Variants in IL1RAP observed in about 807,000 individuals in gnomAD.
The protein encoded by IL1RAP is interleukin-1 receptor accessory protein.
Under a neutral mutation model 60.7 loss-of-function variants are expected in IL1RAP, and 35 were observed. That is an observed-to-expected ratio of 0.58 (90% CI 0.44 to 0.76). IL1RAP has a LOEUF of 0.76. IL1RAP is among the 30% of genes least tolerant of loss of function. The pLI, the probability that IL1RAP is intolerant of heterozygous loss-of-function variation, is 0.00. For synonymous variants in IL1RAP, 268 were observed against 250.9 expected, an observed-to-expected ratio of 1.07 and a Z score of -0.64; for missense variants, 572 against 693.9, an observed-to-expected ratio of 0.82 and a Z score of 1.97.
At chr3:190,656,523 G>C in exon 12 of IL1RAP, 1 of 1,537,268 alleles carries the variant, frequency 6.5e-7, no homozygotes, top group Non-Finnish European at 8.7e-7. Context: ...GCACCAGATT[G>C]GAACCCCCTG....
intron 3 of IL1RAP, among the ~76,000 whole-genome samples, chr3:190,570,443 A>G (rs1018800218): frequency 7.9e-5 from 12 of 152,212 alleles, no homozygotes; most frequent in African/African-American, 2.2e-4. Flanking sequence ...TGGTATAGCT[A>G]TACATTACTG....
At chr3:190,528,311 G>A (rs1307998054) in intron 1 of IL1RAP, among the ~76,000 whole-genome samples, 1 of 152,144 alleles carries the variant, frequency 6.6e-6, no homozygotes, top group African/African-American at 2.4e-5. Flanking sequence ...ACAATTAACA[G>A]TTTCTACTTT....
chr3:190,613,078 A>C (rs1161147755), intron 5 of IL1RAP, among the ~76,000 whole-genome samples: 1 of 151,204 alleles, frequency 6.6e-6, no homozygotes, highest in Non-Finnish European at 1.5e-5. Context: ...ATCAAAATGT[A>C]AACTTCTAAG....
intron 3 of IL1RAP, among the ~76,000 whole-genome samples, 163 bp from the exon 4 acceptor site, chr3:190,603,965 C>T (rs995150657): frequency 6.6e-6 from 1 of 152,086 alleles, no homozygotes; most frequent in Non-Finnish European, 1.5e-5. Flanking sequence ...TTTCTTCACA[C>T]CAAAGGTGCC....
chr3:190,655,070 T>C (rs1333065042), downstream of IL1RAP, among the ~76,000 whole-genome samples: 2 of 152,054 alleles, frequency 1.3e-5, no homozygotes, highest in African/African-American at 4.8e-5. Context: ...AAAAAGAATT[T>C]AATTGATAAC....
At chr3:190,577,088 G>A (rs955067969) in intron 3 of IL1RAP, among the ~76,000 whole-genome samples, 12 of 128,828 alleles carry the variant, frequency 9.3e-5, no homozygotes, top group African/African-American at 1.8e-4. Context: ...GCGACAGAGC[G>A]AGACTCCGTC....
Position 190,553,986 on chromosome 3 carries a change from G to T in IL1RAP, c.-88-2144G>T, listed in dbSNP as rs1451207729. Reference sequence around the variant, plus strand: ...TGAGGCAGGAGAATGGCGTGAACCCGGGAGGCGGAGCTTGCAGTGAGCCGA... The same window carrying T: ...TGAGGCAGGAGAATGGCGTGAACCCTGGAGGCGGAGCTTGCAGTGAGCCGA... On this transcript the variant is annotated intron_variant, in intron 1 of 11. Coordinates refer to ENST00000447382, the MANE Select transcript of IL1RAP (RefSeq NM_002182.4). 2.0e-5 allele frequency among the ~76,000 whole-genome samples: 3 copies of T among 146,728 alleles called. No homozygotes were observed. The South Asian group carries it at 6.5e-4, about 32-fold the overall frequency.
At chr3:190,523,448 T>C (rs1722253285) in intron 1 of IL1RAP, among the ~76,000 whole-genome samples, 1 of 152,130 alleles carries the variant, frequency 6.6e-6, no homozygotes. Context: ...GGATTTGTTA[T>C]ACAGATTATT....
At position 190,649,557 on chromosome 3, in the gene IL1RAP, G is replaced by T. The variant is rs912532541; in HGVS notation, c.*852G>T. On this transcript the variant is annotated 3_prime_UTR_variant, in exon 12 of 12. Coordinates refer to ENST00000447382, the MANE Select transcript of IL1RAP (RefSeq NM_002182.4). ...GAGGTAACAGAAAGACTCTTTTAGG[G>T]CATTTTTCTGACTCATGAAAAGAGC... The T allele has an allele frequency of 2.6e-5, 26 of 985,626 alleles. No individual in the cohort carries two copies. In the African/African-American group the frequency reaches 4.2e-4, roughly 16 times the overall value. The allele number at this position is 985,626 out of a possible 1,614,324, so 61.1% of individuals were successfully genotyped here.
At position 190,650,820 on chromosome 3, in the gene IL1RAP, C is replaced by A. The variant is rs1310968544; in HGVS notation, c.*2115C>A. The A allele has an allele frequency of 1.0e-6, 1 of 984,836 alleles. No homozygotes were observed. The highest frequency in any genetic ancestry group is 1.7e-5 in the African/African-American group (1 of 57,208). The allele number at this position is 984,836 out of a possible 1,614,324, so 61.0% of individuals were successfully genotyped here. On this transcript the variant is annotated 3_prime_UTR_variant, in exon 12 of 12. Transcript: ENST00000447382. ...CTTATTCCAGATAAGCTTTGAATAT[C>A]AATTCTTACATAAACTTTAGGCAAA...
intron 3 of IL1RAP, among the ~76,000 whole-genome samples, chr3:190,598,476 C>T (rs1321127460): frequency 1.3e-5 from 2 of 152,094 alleles, no homozygotes; most frequent in Non-Finnish European, 2.9e-5. Flanking sequence ...GGTTTGCCAA[C>T]TGTATTACCT....
chr3:190,613,294 TG>T lies in IL1RAP; in HGVS notation c.537+4116del, dbSNP rs199766991. On this transcript the variant is annotated intron_variant, in intron 5 of 11. Transcript: ENST00000447382. ...AGAAGCAGGTTTAGGGAGTAAGTAA[TG>T]GGTTAGGTAATGCCATATTAAGTTA... Among the ~76,000 whole-genome samples the T allele has an allele frequency of 1.1e-3, 162 of 152,228 alleles. 1 individual carries two copies. The East Asian group carries it at 0.015, about 14-fold the overall frequency.
intron 2 of IL1RAP, among the ~76,000 whole-genome samples, chr3:190,558,504 T>C (rs1226264635): frequency 6.6e-6 from 1 of 152,190 alleles, no homozygotes; most frequent in African/African-American, 2.4e-5. Flanking sequence ...TGGTATCTCC[T>C]TGTGGTTTTA....
In IL1RAP at chr3:190,522,286, T is replaced by TTTGC. The variant is rs752407331; in HGVS notation, c.-89+8070_-89+8073dup. ...ATGGTAATAAACATGCCTGCCTTCC[T>TTTGC]TTGCTTCCTTCCTTCCTTCCTTCCT... On this transcript the variant is annotated intron_variant, in intron 1 of 11. Coordinates refer to ENST00000447382, the MANE Select transcript of IL1RAP (RefSeq NM_002182.4). 4.7e-3 allele frequency among the ~76,000 whole-genome samples: 614 copies of TTTGC among 131,064 alleles called. 7 individuals carry two copies. The highest frequency in any genetic ancestry group is 7.3e-3 in the Non-Finnish European group (434 of 59,574). 86.0% of individuals were successfully genotyped at this position (131,064 alleles called of 152,430 possible).
Position 190,609,218 on chromosome 3 carries a change from G to A in IL1RAP, c.537+37G>A, listed in dbSNP as rs1730617115. The A allele has an allele frequency of 4.3e-6, 6 of 1,408,198 alleles. No homozygotes were observed. In the East Asian group the frequency reaches 9.4e-5, roughly 22 times the overall value. The allele number at this position is 1,408,198 out of a possible 1,614,324, so 87.2% of individuals were successfully genotyped here. Reference sequence around the variant, plus strand: ...TAGACTACATTTTATTCTCTCTAATGGCTTATAAAATGATAATGCTTATTT... The same window carrying A: ...TAGACTACATTTTATTCTCTCTAATAGCTTATAAAATGATAATGCTTATTT... On this transcript the variant is annotated intron_variant, in intron 5 of 11. Coordinates refer to ENST00000447382, the MANE Select transcript of IL1RAP (RefSeq NM_002182.4).
chr3:190,643,484 C>T (rs1733802605), intron 9 of IL1RAP, among the ~76,000 whole-genome samples: 2 of 152,104 alleles, frequency 1.3e-5, no homozygotes, highest in African/African-American at 4.8e-5. Context: ...TGGAGAATTA[C>T]CTCACTCTAT....
chr3:190,606,035 A>T (rs1450759073), intron 4 of IL1RAP, among the ~76,000 whole-genome samples: 2 of 151,986 alleles, frequency 1.3e-5, no homozygotes, highest in African/African-American at 2.4e-5. Context: ...GTGAAAAAAG[A>T]TCTCTTTTCT....
downstream of IL1RAP, among the ~76,000 whole-genome samples, chr3:190,654,724 C>T (rs1202823337): frequency 6.6e-6 from 1 of 152,226 alleles, no homozygotes; most frequent in Non-Finnish European, 1.5e-5. Context: ...GTTACTGTTT[C>T]GTCCCTGGAC....
chr3:190,565,739 A>G lies in IL1RAP; in HGVS notation c.64+1386A>G, dbSNP rs191530676. ...GGTTAGGTGTCGCGTTTGATAGGTG[A>G]GTTTCTTGATGTCCTGATTTTCAAA... On this transcript the variant is annotated intron_variant, in intron 3 of 11. Transcript: ENST00000447382. Among the ~76,000 whole-genome samples, 326 of 152,142 alleles carry G rather than the reference A, an allele frequency of 2.1e-3. 2 individuals are homozygous for G. Among genetic ancestry groups the G allele is most frequent in the Non-Finnish European group, 4.0e-3 (273 of 68,004 alleles).
Sources: gnomAD v4.1 joint callset for allele counts (sites outside exome capture counted in the v4.1 genomes callset) on GRCh38, gnomAD v4.1.1 for gene constraint, MANE v1.5 for transcripts, NCBI Gene and HGNC (gene_info 2026-07-23, HGNC 2026-07-21) for gene names.